The following KAT6A variants were observed in gnomAD, a reference collection of about 807,000 sequenced individuals.
The protein encoded by KAT6A is lysine acetyltransferase 6A.
A neutral mutation model predicts 198.4 loss-of-function variants in KAT6A; 9 were observed. The observed-to-expected ratio is 0.05, with a 90% CI of 0.03 to 0.08. KAT6A has a LOEUF of 0.08. Among genes scored for constraint, KAT6A ranks in the 10% least tolerant of loss-of-function variants. The pLI, the probability that KAT6A is intolerant of heterozygous loss-of-function variation, is 1.00. For synonymous variants in KAT6A, 890 were observed against 883.0 expected (o/e 1.01, Z -0.14); for missense variants, 2,077 against 2,509.9 (o/e 0.83, Z 3.69).
intron 9 of KAT6A, among the ~76,000 whole-genome samples, chr8:41,954,067 G>A (rs571898241): frequency 4.5e-4 from 68 of 152,246 alleles, no homozygotes; most frequent in African/African-American, 1.6e-3. Flanking sequence ...TGTGTTTCAT[G>A]AGCTTGTGTG....
At chr8:42,015,340 A>G (rs1039471897) in intron 2 of KAT6A, among the ~76,000 whole-genome samples, 2 of 152,230 alleles carry the variant, frequency 1.3e-5, no homozygotes, top group African/African-American at 4.8e-5. Flanking sequence ...ACAGACAGAT[A>G]AGGAGGTAAC....
Position 41,934,464 on chromosome 8 carries a change from GGCT to G in KAT6A, c.3753_3755del (p.Ala1252del). 1 of 1,607,950 alleles carries G rather than the reference GGCT, an allele frequency of 6.2e-7. No individual in the cohort carries two copies. The highest frequency in any genetic ancestry group is 8.5e-7 in the Non-Finnish European group (1 of 1,176,864). ...GACTATTGCTGCTGTCTGCTGGAGA[GGCT>G]GCTGGGACTTCACTGCTGGCTGCAT... On this transcript the variant is annotated inframe_deletion, in exon 17 of 17. Coordinates refer to ENST00000265713, the MANE Select transcript of KAT6A (RefSeq NM_006766.5).
At chr8:41,981,397 G>C (rs1824350933) in intron 4 of KAT6A, among the ~76,000 whole-genome samples, 1 of 152,204 alleles carries the variant, frequency 6.6e-6, no homozygotes, top group Admixed American at 6.5e-5. Flanking sequence ...TGTAAATAGA[G>C]TTAGCAAAAA....
chr8:42,027,592 T>C (rs1223553190), intron 2 of KAT6A, among the ~76,000 whole-genome samples: 5 of 152,210 alleles, frequency 3.3e-5, no homozygotes, highest in Admixed American at 3.3e-4. Context: ...CAGTTGTTCA[T>C]AATAGTTGCT....
intron 2 of KAT6A, among the ~76,000 whole-genome samples, chr8:42,045,817 CA>C (rs747713066): frequency 4.5e-3 from 284 of 63,226 alleles, no homozygotes; most frequent in African/African-American, 5.4e-3. Flanking sequence ...ACTAAAAATA[CA>C]AAAAAAAAAA....
intron 2 of KAT6A, among the ~76,000 whole-genome samples, chr8:41,998,288 C>T (rs993409235): frequency 6.6e-6 from 1 of 152,068 alleles, no homozygotes; most frequent in Non-Finnish European, 1.5e-5. Flanking sequence ...CTGCAAAATT[C>T]GTTATTTCCA....
intron 8 of KAT6A, chr8:41,957,265 G>A (rs761878529): frequency 1.6e-5 from 9 of 565,822 alleles, no homozygotes; most frequent in East Asian, 4.1e-5. Flanking sequence ...CTGCACATGC[G>A]CTCATGTGTG....
chr8:42,003,171 T>C (rs1825575843), intron 2 of KAT6A, among the ~76,000 whole-genome samples: 1 of 152,218 alleles, frequency 6.6e-6, no homozygotes, highest in Non-Finnish European at 1.5e-5. Context: ...TGCTATCTCC[T>C]ATCCTGCCAC....
intron 3 of KAT6A, 95 bp from the exon 4 acceptor site, chr8:41,982,049 A>C: frequency 1.4e-6 from 1 of 709,260 alleles, no homozygotes; most frequent in Non-Finnish European, 2.5e-6. Flanking sequence ...CAATCATCTT[A>C]AATACAAAAT....
intron 5 of KAT6A, 135 bp downstream of exon 5, chr8:41,980,711 G>A: frequency 1.4e-6 from 1 of 695,544 alleles, no homozygotes; most frequent in South Asian, 1.6e-5. Context: ...CTTTTAAGGT[G>A]ACAGTTCTCT....
chr8:41,993,381 T>C (rs1394124357), intron 2 of KAT6A, among the ~76,000 whole-genome samples: 1 of 152,218 alleles, frequency 6.6e-6, no homozygotes, highest in African/African-American at 2.4e-5. Flanking sequence ...ATTTACAGTG[T>C]GAAAATAAAG....
At chr8:41,978,471 T>C (rs1263191894) in intron 6 of KAT6A, among the ~76,000 whole-genome samples, 171 bp downstream of exon 6, 4 of 152,192 alleles carry the variant, frequency 2.6e-5, no homozygotes, top group African/African-American at 9.7e-5. Flanking sequence ...ATAAAGCACT[T>C]AGAATAGTGT....
chr8:41,935,705 G>A (rs1000566223), intron 16 of KAT6A, among the ~76,000 whole-genome samples: 1 of 152,012 alleles, frequency 6.6e-6, no homozygotes, highest in Non-Finnish European at 1.5e-5. Context: ...GATGCAGTGG[G>A]GGCACGGCTA....
rs1821500647 is a variant in KAT6A, at chr8:41,930,747, T to A, written c.*1458A>T. ...ATATATATTTTTTTTTTTTTTTTTT[T>A]TTTTTTTACCTATCCCTGGAGCAAG... On this transcript the variant is annotated 3_prime_UTR_variant, in exon 17 of 17. Transcript: ENST00000265713. 6.6e-6 allele frequency: 1 copy of A among 151,792 alleles called. No homozygotes were observed. Among genetic ancestry groups the A allele is most frequent in the Non-Finnish European group, 1.4e-5 (1 of 71,634 alleles). 9.4% of individuals were successfully genotyped at this position (151,792 alleles called of 1,614,324 possible). A position where few individuals can be genotyped will look rare whatever the true frequency, so the allele number is the denominator to read the frequency against.
chr8:41,960,142 T>A (rs1206050987), intron 8 of KAT6A, among the ~76,000 whole-genome samples: 1 of 77,494 alleles, frequency 1.3e-5, no homozygotes, highest in African/African-American at 5.0e-5. Flanking sequence ...TTACCAGGGG[T>A]GGGGGTAGGG....
At chr8:42,001,214 CT>C (rs1172263202) in intron 2 of KAT6A, among the ~76,000 whole-genome samples, 1 of 152,148 alleles carries the variant, frequency 6.6e-6, no homozygotes, top group African/African-American at 2.4e-5. Flanking sequence ...TCTTTACTCC[CT>C]TTTTCCACTC....
At position 42,039,742 on chromosome 8, in the gene KAT6A, G is replaced by GT. The variant is rs559547556; in HGVS notation, c.600+8635dup. On this transcript the variant is annotated intron_variant, in intron 2 of 16. Coordinates refer to ENST00000265713, the MANE Select transcript of KAT6A (RefSeq NM_006766.5). ...ACTTGTATTATTATTATTAATTTTT[G>GT]TTTTTTTTTGAGACGGAGTCTCACT... is the stretch of plus-strand genomic sequence containing the variant. 4.3e-4 allele frequency among the ~76,000 whole-genome samples: 65 copies of GT among 150,152 alleles called. 1 individual carries two copies. Among genetic ancestry groups the GT allele is most frequent in the Non-Finnish European group, 6.4e-4 (43 of 67,418 alleles).
Position 41,971,610 on chromosome 8 carries a change from CTT to C in KAT6A, c.1482+3092_1482+3093del, listed in dbSNP as rs35976311. Reference sequence around the variant, plus strand: ...AGCCTTGGAGATGAGAGAACAGACTCTTTTTTTTTTTTTTTAATTCTAAAGAA... The same window carrying C: ...AGCCTTGGAGATGAGAGAACAGACTCTTTTTTTTTTTTTAATTCTAAAGAA... On this transcript the variant is annotated intron_variant, in intron 8 of 16. Coordinates refer to ENST00000265713, the MANE Select transcript of KAT6A (RefSeq NM_006766.5). Among the ~76,000 whole-genome samples the C allele has an allele frequency of 2.8e-3, 407 of 145,170 alleles. 1 individual carries two copies. Among genetic ancestry groups the C allele is most frequent in the Middle Eastern group, 3.5e-3 (1 of 286 alleles).
At chr8:42,044,504 G>A (rs544929220) in intron 2 of KAT6A, among the ~76,000 whole-genome samples, 19 of 152,072 alleles carry the variant, frequency 1.2e-4, no homozygotes, top group Non-Finnish European at 2.8e-4. Context: ...CCTCTTAAAC[G>A]TATTCCAACA....
Sources: gnomAD v4.1 joint callset for allele counts (sites outside exome capture counted in the v4.1 genomes callset) on GRCh38, gnomAD v4.1.1 for gene constraint, MANE v1.5 for transcripts, NCBI Gene and HGNC (gene_info 2026-07-23, HGNC 2026-07-21) for gene names.